Variants in ARHGEF9 observed in about 807,000 individuals in gnomAD.
ARHGEF9 encodes the protein rho guanine nucleotide exchange factor 9.
A neutral mutation model predicts 41.3 loss-of-function variants in ARHGEF9; 2 were observed. The observed-to-expected ratio is 0.05, with a 90% CI of 0.02 to 0.15. The LOEUF (loss-of-function observed/expected upper bound fraction) is 0.15, where lower values mean the gene tolerates loss of function less well. Among genes scored for constraint, ARHGEF9 ranks in the 10% least tolerant of loss-of-function variants. The probability of loss-of-function intolerance (pLI) is 1.00; values close to 1 mark genes in which losing one functional copy is unlikely to be tolerated. For missense variants in ARHGEF9, 225 were observed against 424.7 expected, an observed-to-expected ratio of 0.53 and a Z score of 4.13; for synonymous variants, 160 against 154.4, an observed-to-expected ratio of 1.04 and a Z score of -0.27.
At chrX:63,774,346 C>T (rs1380217377) in intron 1 of ARHGEF9, among the ~76,000 whole-genome samples, 3 of 111,276 alleles carry the variant, frequency 2.7e-5, no homozygotes, top group African/African-American at 9.8e-5. Context: ...TTTGAGATTG[C>T]CTATCATAAT....
At chrX:63,641,093 T>C (rs2047596341) in intron 9 of ARHGEF9, 1 of 111,196 alleles carries the variant, frequency 9.0e-6, no homozygotes, top group Non-Finnish European at 1.9e-5. Flanking sequence ...GGCTCACATC[T>C]GTAATCCCAG....
chrX:63,637,183 GGGA>G lies in ARHGEF9; in HGVS notation c.*842_*844del. ...CAACGACCCAGAAGTGCTGCAACAT[GGGA>G]AACCCCAGTGATAGAAGAAACAGCC... On this transcript the variant is annotated 3_prime_UTR_variant, in exon 10 of 10. Transcript: ENST00000671741. The G allele has an allele frequency of 3.4e-6, 1 of 297,579 alleles. No individual in the cohort carries two copies. Among genetic ancestry groups the G allele is most frequent in the African/African-American group, 2.7e-5 (1 of 36,976 alleles). 24.5% of individuals were successfully genotyped at this position (297,579 alleles called of 1,213,427 possible).
intron 8 of ARHGEF9, among the ~76,000 whole-genome samples, chrX:63,649,919 CAAAG>C (rs1424549686): frequency 9.0e-6 from 1 of 111,232 alleles, no homozygotes; most frequent in African/African-American, 3.3e-5. Context: ...TCAAAATAAA[CAAAG>C]TAAGTATTCA....
chrX:63,779,819 A>G (rs1347456463), intron 1 of ARHGEF9, among the ~76,000 whole-genome samples: 1 of 111,843 alleles, frequency 8.9e-6, no homozygotes, highest in Non-Finnish European at 1.9e-5. Flanking sequence ...TCAACTAATC[A>G]TGACAATGAC....
At chrX:63,774,032 C>G (rs1602748155) in intron 1 of ARHGEF9, among the ~76,000 whole-genome samples, 2 of 103,244 alleles carry the variant, frequency 1.9e-5, no homozygotes, top group Non-Finnish European at 3.9e-5. Context: ...TAATCATGAG[C>G]AAATCCATTA....
chrX:63,778,226 C>A (rs1365188908), intron 1 of ARHGEF9, among the ~76,000 whole-genome samples: 1 of 112,573 alleles, frequency 8.9e-6, no homozygotes, highest in Non-Finnish European at 1.9e-5. Context: ...GGCCCAACAT[C>A]ATGTATAACC....
At chrX:63,780,650 TTTGG>T (rs1288272828) in intron 1 of ARHGEF9, among the ~76,000 whole-genome samples, 9 of 111,933 alleles carry the variant, frequency 8.0e-5, no homozygotes, top group South Asian at 3.7e-4. Context: ...ACAAAACAAC[TTTGG>T]TTGGTCAAAG....
rs1409374479 is a variant in ARHGEF9, at chrX:63,655,740, A to G, written c.1078-3T>C. On this transcript the variant is annotated splice_region_variant and splice_polypyrimidine_tract_variant and intron_variant, in intron 7 of 9. Transcript: ENST00000671741. The stretch of plus-strand genomic sequence containing the variant: ...AGGATGTCTCTCCGGATTAGGTCCT[A>G]GATGGGAAGGAAGAGGTTTCTTGAA... 8.3e-7 allele frequency: 1 copy of G among 1,205,490 alleles called. No individual in the cohort carries two copies. The highest frequency in any genetic ancestry group is 1.1e-6 in the Non-Finnish European group (1 of 894,688).
intron 1 of ARHGEF9, chrX:63,755,070 C>A: frequency 1.1e-6 from 1 of 939,293 alleles, no homozygotes; most frequent in Non-Finnish European, 1.3e-6. Context: ...TCCCGGCTGC[C>A]AGACACTCGT....
chrX:63,672,941 G>C (rs1441302025), intron 6 of ARHGEF9, among the ~76,000 whole-genome samples: 2 of 111,500 alleles, frequency 1.8e-5, no homozygotes, highest in African/African-American at 6.5e-5. Flanking sequence ...AGAGAATGAG[G>C]GTCTCTTCAT....
chrX:63,650,639 A>C (rs2048482764), intron 8 of ARHGEF9, among the ~76,000 whole-genome samples: 1 of 111,186 alleles, frequency 9.0e-6, no homozygotes, highest in Non-Finnish European at 1.9e-5. Flanking sequence ...AATAGCTAAA[A>C]AAAATATTTG....
At position 63,729,376 on chromosome X, in the gene ARHGEF9, T is replaced by C. The variant is rs73526843; in HGVS notation, c.31-4665A>G. ...GGTAAGGAACAGAAAAAGAGCTACATAAATAAAACTAAAAGAAGCTGTTAG... is the reference window on the plus strand; with the variant it reads ...GGTAAGGAACAGAAAAAGAGCTACACAAATAAAACTAAAAGAAGCTGTTAG... On this transcript the variant is annotated intron_variant, in intron 1 of 9. Transcript: ENST00000671741. Among the ~76,000 whole-genome samples the C allele has an allele frequency of 2.0e-3, 225 of 111,233 alleles. 1 individual carries two copies. The highest frequency in any genetic ancestry group is 7.1e-3 in the African/African-American group (216 of 30,548).
chrX:63,755,052 C>T (rs2055877389), intron 1 of ARHGEF9: 3 of 939,050 alleles, frequency 3.2e-6, no homozygotes, highest in Non-Finnish European at 4.0e-6. Flanking sequence ...TCGCTCTCTT[C>T]GCTGGGCTCC....
At chrX:63,682,220 A>T (rs782610249) in intron 4 of ARHGEF9, among the ~76,000 whole-genome samples, 2 of 111,419 alleles carry the variant, frequency 1.8e-5, no homozygotes, top group African/African-American at 3.3e-5. Flanking sequence ...GTCAGACAGA[A>T]ATACAAGAAA....
At chrX:63,773,685 G>A (rs372665559) in intron 1 of ARHGEF9, among the ~76,000 whole-genome samples, 4 of 111,974 alleles carry the variant, frequency 3.6e-5, no homozygotes, top group Non-Finnish European at 1.9e-5. Flanking sequence ...GATGCAATTA[G>A]CATTTGAATC....
At chrX:63,691,467 G>GA (rs1556381383) in intron 4 of ARHGEF9, among the ~76,000 whole-genome samples, 1 of 110,701 alleles carries the variant, frequency 9.0e-6, no homozygotes, top group Non-Finnish European at 1.9e-5. Flanking sequence ...AAGCACTGCT[G>GA]AAAAAAATTG....
chrX:63,660,286 C>G (rs782094483), intron 7 of ARHGEF9, among the ~76,000 whole-genome samples: 25 of 111,637 alleles, frequency 2.2e-4, no homozygotes, highest in African/African-American at 8.1e-4. Context: ...CAAATTAACA[C>G]AGGAACAGAA....
At chrX:63,689,462 C>T (rs782662855) in intron 4 of ARHGEF9, among the ~76,000 whole-genome samples, 160 of 111,685 alleles carry the variant, frequency 1.4e-3, no homozygotes, top group African/African-American at 2.3e-3. Context: ...ATTATAAATT[C>T]GCATGCACCC....
chrX:63,751,894 C>A (rs1556441370), intron 1 of ARHGEF9, among the ~76,000 whole-genome samples: 2 of 109,341 alleles, frequency 1.8e-5, no homozygotes, highest in Admixed American at 9.6e-5. Flanking sequence ...CACATACATT[C>A]CCAGAGGCTT....
Sources: allele counts gnomAD v4.1 joint callset (sites outside exome capture counted in the v4.1 genomes callset), GRCh38; gene constraint gnomAD v4.1.1; transcripts MANE v1.5; gene names NCBI Gene and HGNC (gene_info 2026-07-23, HGNC 2026-07-21).